Variants in RNF138 observed in about 807,000 individuals in gnomAD.
RNF138 encodes E3 ubiquitin-protein ligase RNF138.
A neutral mutation model predicts 31.0 loss-of-function variants in RNF138; 12 were observed. The ratio of observed to expected loss-of-function variants is 0.39; its 90% CI spans 0.25 to 0.63. The LOEUF is 0.63. Ranked by LOEUF, RNF138 falls within the 20% of genes least tolerant of loss-of-function variation. The pLI is 0.52. For synonymous variants in RNF138, 105 were observed against 99.5 expected (o/e 1.06, Z -0.33); for missense variants, 192 against 300.1 (o/e 0.64, Z 2.66).
Position 32,123,593 on chromosome 18 carries a change from C to A in RNF138, c.449+19C>A. The A allele has an allele frequency of 6.6e-7, 1 of 1,519,244 alleles. No individual in the cohort carries two copies. The highest frequency in any genetic ancestry group is 1.2e-5 in the South Asian group (1 of 83,578). 94.1% of individuals were successfully genotyped at this position (1,519,244 alleles called of 1,614,324 possible). ...ATACAAGGTAAGCTTTTGAAAAATCCTGCCACTTTAGCAAGTAATATTATA... is the reference window on the plus strand; with the variant it reads ...ATACAAGGTAAGCTTTTGAAAAATCATGCCACTTTAGCAAGTAATATTATA... On this transcript the variant is annotated intron_variant, in intron 5 of 7. Transcript: ENST00000261593.
At chr18:32,114,530 C>T (rs181114416) in intron 4 of RNF138, among the ~76,000 whole-genome samples, 6 of 152,228 alleles carry the variant, frequency 3.9e-5, no homozygotes, top group East Asian at 1.9e-4. Context: ...TATGTGAGCT[C>T]CTGCCCATTT....
chr18:32,112,998 G>A (rs1406546056), intron 3 of RNF138, among the ~76,000 whole-genome samples: 2 of 152,178 alleles, frequency 1.3e-5, no homozygotes, highest in Admixed American at 1.3e-4. Context: ...GCAATGACGT[G>A]AAGCTGGAAA....
At chr18:32,121,022 C>T (rs1368508502) in intron 4 of RNF138, among the ~76,000 whole-genome samples, 4 of 151,914 alleles carry the variant, frequency 2.6e-5, no homozygotes, top group African/African-American at 9.7e-5. Context: ...ATAGACCCAG[C>T]TACTCGGGAG....
rs1027184863 is a variant in RNF138, at chr18:32,111,715, A to C, written c.111-39A>C. ...TTTAATTATAGAGATGAAGAGAGTA[A>C]TTTTTTTTGTAATTAATGTGTCACA... On this transcript the variant is annotated intron_variant, in intron 2 of 7. Coordinates refer to ENST00000261593, the MANE Select transcript of RNF138 (RefSeq NM_016271.5). 4.6e-6 allele frequency: 7 copies of C among 1,532,548 alleles called. No individual in the cohort carries two copies. In the African/African-American group the frequency reaches 6.9e-5, roughly 15 times the overall value. 94.9% of individuals were successfully genotyped at this position (1,532,548 alleles called of 1,614,324 possible).
At chr18:32,102,305 C>T (rs2039957191) in intron 2 of RNF138, among the ~76,000 whole-genome samples, 1 of 145,862 alleles carries the variant, frequency 6.9e-6, no homozygotes, top group Non-Finnish European at 1.5e-5. Flanking sequence ...AGGTTCACAC[C>T]ATTCTCCTGC....
rs779128549 is a variant in RNF138, at chr18:32,092,899, C to T, written c.110+13C>T. 6.9e-7 allele frequency: 1 copy of T among 1,449,860 alleles called. No individual in the cohort carries two copies. Among genetic ancestry groups the T allele is most frequent in the East Asian group, 2.7e-5 (1 of 36,420 alleles). The allele number at this position is 1,449,860 out of a possible 1,614,324, so 89.8% of individuals were successfully genotyped here. A position where few individuals can be genotyped will look rare whatever the true frequency, so the allele number is the denominator to read the frequency against. ...CCTGTCAGCACGTGTGAGTAGACGC[C>T]CCCTCCCCCTCGCGGAGCCGGGTTG... is the stretch of plus-strand genomic sequence containing the variant. On this transcript the variant is annotated intron_variant, in intron 2 of 7. Coordinates refer to ENST00000261593, the MANE Select transcript of RNF138 (RefSeq NM_016271.5).
chr18:32,107,739 G>A (rs533085096), intron 2 of RNF138, among the ~76,000 whole-genome samples: 1 of 148,704 alleles, frequency 6.7e-6, no homozygotes, highest in African/African-American at 2.5e-5. Context: ...GGCTAGTCTC[G>A]AACTCCTGAC....
At chr18:32,125,721 C>T (rs978643553) in intron 6 of RNF138, among the ~76,000 whole-genome samples, 1 of 152,024 alleles carries the variant, frequency 6.6e-6, no homozygotes, top group Non-Finnish European at 1.5e-5. Context: ...TGCTTGAGCC[C>T]AGGAGTTCGA....
chr18:32,129,070 G>C (rs1421312182), intron 7 of RNF138, 49 bp from the exon 8 acceptor site: 1 of 1,246,614 alleles, frequency 8.0e-7, no homozygotes, highest in Middle Eastern at 1.9e-4. Context: ...CAAAGTATTA[G>C]AGTAGTTGAA....
intron 2 of RNF138, among the ~76,000 whole-genome samples, chr18:32,097,922 G>A (rs1331044831): frequency 6.7e-6 from 1 of 149,714 alleles, no homozygotes; most frequent in African/African-American, 2.5e-5. Flanking sequence ...TTGTGTGTGT[G>A]TGTGTATATG....
At chr18:32,108,466 A>C (rs1469628724) in intron 2 of RNF138, among the ~76,000 whole-genome samples, 1 of 152,084 alleles carries the variant, frequency 6.6e-6, no homozygotes, top group Non-Finnish European at 1.5e-5. Context: ...ACATTATATC[A>C]TTATGTTCAT....
intron 6 of RNF138, 59 bp from the exon 7 acceptor site, chr18:32,126,634 A>G (rs2040388681): frequency 3.8e-6 from 4 of 1,044,274 alleles, no homozygotes; most frequent in Middle Eastern, 3.1e-4. Context: ...AATACTGTCA[A>G]TTGTATAATA....
intron 2 of RNF138, among the ~76,000 whole-genome samples, chr18:32,108,358 A>G (rs1016439321): frequency 2.0e-5 from 3 of 152,020 alleles, no homozygotes; most frequent in Non-Finnish European, 2.9e-5. Context: ...TCAGGATACC[A>G]TTATCCTGAC....
At chr18:32,107,414 C>T (rs182712384) in intron 2 of RNF138, among the ~76,000 whole-genome samples, 17 of 151,970 alleles carry the variant, frequency 1.1e-4, no homozygotes, top group Non-Finnish European at 1.5e-4. Context: ...AGCCACTGTA[C>T]CTGGCCCACT....
chr18:32,118,278 G>A (rs2040248439), intron 4 of RNF138, among the ~76,000 whole-genome samples: 1 of 152,212 alleles, frequency 6.6e-6, no homozygotes, highest in Admixed American at 6.5e-5. Flanking sequence ...GCTCACGCCT[G>A]TAGTCCCAGC....
rs139738066 is a variant in RNF138, at chr18:32,124,627, T to TA, written c.450-105dup. On this transcript the variant is annotated intron_variant, in intron 5 of 7. Transcript: ENST00000261593. The stretch of plus-strand genomic sequence containing the variant: ...ATGAGAGAATCTTTGAATAGTCTAA[T>TA]AATTATAACTTTTTTAAAAAATGTA... 1,552 of 647,378 alleles carry TA rather than the reference T, an allele frequency of 2.4e-3. 31 individuals are homozygous for TA. The African/African-American group carries it at 0.026, about 11-fold the overall frequency. The allele number at this position is 647,378 out of a possible 1,614,324, so 40.1% of individuals were successfully genotyped here.
chr18:32,104,601 A>G (rs751265868), intron 2 of RNF138, among the ~76,000 whole-genome samples: 1 of 152,240 alleles, frequency 6.6e-6, no homozygotes, highest in Non-Finnish European at 1.5e-5. Context: ...ACAGACAAAA[A>G]TCAACAACAT....
At chr18:32,095,111 G>A (rs1246702939) in intron 2 of RNF138, among the ~76,000 whole-genome samples, 1 of 152,194 alleles carries the variant, frequency 6.6e-6, no homozygotes, top group African/African-American at 2.4e-5. Context: ...TGGTAATGGA[G>A]GAACAGGATT....
At chr18:32,098,219 T>TGGTTTTGAACTCCTGACC (rs2039850077) in intron 2 of RNF138, among the ~76,000 whole-genome samples, 1 of 152,044 alleles carries the variant, frequency 6.6e-6, no homozygotes, top group Non-Finnish European at 1.5e-5. Context: ...AACTCCAGGC[T>TGGTTTTGAACTCCTGACC]GGTTTTGAAC....
Sources: allele counts gnomAD v4.1 joint callset (sites outside exome capture counted in the v4.1 genomes callset), GRCh38; gene constraint gnomAD v4.1.1; transcripts MANE v1.5; gene names NCBI Gene and HGNC (gene_info 2026-07-23, HGNC 2026-07-21).